Variants in SYT16 observed in about 807,000 individuals in gnomAD.
SYT16 encodes the protein synaptotagmin-16.
A neutral mutation model predicts 61.4 loss-of-function variants in SYT16; 42 were observed. The ratio of observed to expected loss-of-function variants is 0.68; its 90% CI spans 0.53 to 0.89. SYT16 has a LOEUF of 0.89. Among genes scored for constraint, SYT16 ranks in the 40% least tolerant of loss-of-function variants. The probability of loss-of-function intolerance (pLI) is 0.00; values close to 1 mark genes in which losing one functional copy is unlikely to be tolerated. For synonymous variants in SYT16, 314 were observed against 302.3 expected (o/e 1.04, Z -0.40); for missense variants, 804 against 807.3 (o/e 1.00, Z 0.05).
intron 3 of SYT16, among the ~76,000 whole-genome samples, chr14:62,029,834 G>A (rs1395226770): frequency 1.3e-5 from 2 of 151,826 alleles, no homozygotes; most frequent in African/African-American, 4.8e-5. Context: ...TGAGGCCATT[G>A]CCTTTCTCTG....
intron 7 of SYT16, among the ~76,000 whole-genome samples, chr14:62,089,216 G>A (rs2056987319): frequency 6.6e-6 from 1 of 152,012 alleles, no homozygotes; most frequent in Non-Finnish European, 1.5e-5. Flanking sequence ...CTACTTAGGA[G>A]GCTGAGGCAG....
chr14:62,095,341 A>G (rs1223348487), intron 7 of SYT16, among the ~76,000 whole-genome samples: 1 of 151,988 alleles, frequency 6.6e-6, no homozygotes, highest in African/African-American at 2.4e-5. Flanking sequence ...GAAAGGAAGA[A>G]ATGAAGCTGC....
At chr14:61,825,762 C>A (rs995864500) in intron 1 of SYT16, among the ~76,000 whole-genome samples, 21 of 152,068 alleles carry the variant, frequency 1.4e-4, no homozygotes, top group Non-Finnish European at 2.9e-5. Flanking sequence ...AATAAAGACC[C>A]CAAGCCCTTT....
chr14:61,974,371 G>T (rs181141570), intron 2 of SYT16, among the ~76,000 whole-genome samples: 1 of 152,264 alleles, frequency 6.6e-6, no homozygotes, highest in Admixed American at 6.5e-5. Context: ...CACTTAGAAG[G>T]GCCCTTGTGC....
At chr14:62,054,360 G>GTTTTTTT (rs11347339) in intron 3 of SYT16, among the ~76,000 whole-genome samples, 1 of 118,298 alleles carries the variant, frequency 8.5e-6, no homozygotes, top group Non-Finnish European at 1.7e-5. Context: ...AGTGAAGTGA[G>GTTTTTTT]TTTTTTTTTT....
chr14:61,849,516 C>T (rs1020340264), intron 1 of SYT16, among the ~76,000 whole-genome samples: 1 of 152,166 alleles, frequency 6.6e-6, no homozygotes, highest in African/African-American at 2.4e-5. Context: ...TGGGTGATTT[C>T]CCTCTGATTA....
intron 1 of SYT16, among the ~76,000 whole-genome samples, chr14:61,925,918 C>T (rs961364216): frequency 3.3e-5 from 5 of 152,158 alleles, no homozygotes; most frequent in East Asian, 1.9e-4. Context: ...AAATCTAAGA[C>T]CAGGGTCATG....
intron 1 of SYT16, among the ~76,000 whole-genome samples, chr14:61,892,786 G>C (rs1031472542): frequency 1.3e-5 from 2 of 152,186 alleles, no homozygotes; most frequent in African/African-American, 2.4e-5. Context: ...GAAGAAAGGG[G>C]ATTAGATACC....
Position 61,872,284 on chromosome 14 carries a change from A to G in SYT16, c.-325+59474A>G, listed in dbSNP as rs553109890. ...ATGTACCTATTTTTAGAGTACATAT[A>G]TAATGTTTTGATACTTTCATATAAT... On this transcript the variant is annotated intron_variant, in intron 1 of 7. Coordinates refer to ENST00000683842, the MANE Select transcript of SYT16 (RefSeq NM_001367656.1). Among the ~76,000 whole-genome samples, 128 of 152,302 alleles carry G rather than the reference A, an allele frequency of 8.4e-4. 4 individuals carry two copies. The South Asian group carries it at 0.025, about 29-fold the overall frequency.
rs71449578 is a variant in SYT16 at position 62,068,761 on chromosome 14, AAC to A, written c.524-824_524-823del. ...TTCAGAAAATTTCTAAATGAGTTAA[AAC>A]ACACACACACACACACAATGAGTCT... On this transcript the variant is annotated intron_variant, in intron 3 of 7. Transcript: ENST00000683842. Among the ~76,000 whole-genome samples, 855 of 150,956 alleles carry A rather than the reference AAC, an allele frequency of 5.7e-3. 6 individuals carry two copies. Among genetic ancestry groups the A allele is most frequent in the East Asian group, 0.039 (202 of 5,166 alleles).
chr14:61,909,493 C>T (rs2048847511), intron 1 of SYT16, among the ~76,000 whole-genome samples: 1 of 152,172 alleles, frequency 6.6e-6, no homozygotes, highest in South Asian at 2.1e-4. Flanking sequence ...GTCTCTCCCT[C>T]CATCTTCACA....
rs546917759 is a variant in SYT16, at chr14:61,949,758, T to G, written c.-324-20374T>G. On this transcript the variant is annotated intron_variant, in intron 1 of 7. Transcript: ENST00000683842. The stretch of plus-strand genomic sequence containing the variant: ...ACAACTTTACAGCATTTGAATGATC[T>G]CGGTTAACCCATGTAAGTACTTTAG... Among the ~76,000 whole-genome samples, 44 of 152,338 alleles carry G rather than the reference T, an allele frequency of 2.9e-4. 1 individual carries two copies. In the South Asian group the frequency reaches 7.2e-3, roughly 25 times the overall value.
At chr14:61,955,599 A>G (rs997285856) in intron 1 of SYT16, among the ~76,000 whole-genome samples, 1 of 152,054 alleles carries the variant, frequency 6.6e-6, no homozygotes, top group African/African-American at 2.4e-5. Flanking sequence ...AGGTTCATTC[A>G]TGTTGTCACA....
chr14:61,819,523 C>T (rs1042632179), intron 1 of SYT16, among the ~76,000 whole-genome samples: 5 of 151,950 alleles, frequency 3.3e-5, no homozygotes, highest in Admixed American at 6.6e-5. Flanking sequence ...ATTCTTCTGG[C>T]GTCTAATTTT....
chr14:62,055,414 A>G (rs1022898705), intron 3 of SYT16, among the ~76,000 whole-genome samples: 2 of 152,202 alleles, frequency 1.3e-5, no homozygotes, highest in Non-Finnish European at 2.9e-5. Flanking sequence ...TTCAGAAAAC[A>G]TCGTTACTTG....
chr14:61,880,642 A>G (rs1357106519), intron 1 of SYT16, among the ~76,000 whole-genome samples: 2 of 152,188 alleles, frequency 1.3e-5, no homozygotes, highest in East Asian at 1.9e-4. Flanking sequence ...TCTTTCAGCA[A>G]AATTTCACAA....
Position 62,102,774 on chromosome 14 carries a change from C to T in SYT16, c.*2067C>T, listed in dbSNP as rs1169142988. ...CAGACAGCCCTGAATTTTTCCCTCT[C>T]ATATTTTCCTGCTGCTGCATCCTTG... On this transcript the variant is annotated 3_prime_UTR_variant, in exon 8 of 8. Transcript: ENST00000683842. The T allele has an allele frequency of 6.6e-6, 1 of 152,162 alleles. No individual in the cohort carries two copies. The highest frequency in any genetic ancestry group is 1.9e-4 in the East Asian group (1 of 5,204). 9.4% of individuals were successfully genotyped at this position (152,162 alleles called of 1,614,324 possible).
chr14:62,042,771 C>T (rs1371176717), intron 3 of SYT16, among the ~76,000 whole-genome samples: 2 of 152,164 alleles, frequency 1.3e-5, no homozygotes, highest in Non-Finnish European at 2.9e-5. Context: ...CCTTGACCTC[C>T]CTGGACATCT....
At position 61,895,313 on chromosome 14, in the gene SYT16, A is replaced by G. The variant is rs78912156; in HGVS notation, c.-324-74819A>G. On this transcript the variant is annotated intron_variant, in intron 1 of 7. Transcript: ENST00000683842. ...CTGAATCCCTCTGGCTTCCAAATCTAGAGCACCAAGAAACTTTGCCAGTGA... is the reference window on the plus strand; with the variant it reads ...CTGAATCCCTCTGGCTTCCAAATCTGGAGCACCAAGAAACTTTGCCAGTGA... Among the ~76,000 whole-genome samples the G allele has an allele frequency of 1.8e-4, 28 of 152,298 alleles. No homozygotes were observed. The East Asian group carries it at 4.8e-3, about 26-fold the overall frequency.
Sources: allele counts gnomAD v4.1 joint callset (sites outside exome capture counted in the v4.1 genomes callset), GRCh38; gene constraint gnomAD v4.1.1; transcripts MANE v1.5; gene names NCBI Gene and HGNC (gene_info 2026-07-23, HGNC 2026-07-21).